The following FRK variants were observed in gnomAD, a reference collection of about 807,000 sequenced individuals.
FRK encodes fyn related Src family tyrosine kinase.
A neutral mutation model predicts 56.4 loss-of-function variants in FRK; 51 were observed. That is an observed-to-expected ratio of 0.90 (90% confidence interval 0.72 to 1.14). FRK has a LOEUF of 1.14. FRK is among the 50% of genes most tolerant of loss of function. FRK has a pLI of 0.00. For synonymous variants in FRK, 245 were observed against 217.9 expected (o/e 1.12, Z -1.10); for missense variants, 570 against 601.4 (o/e 0.95, Z 0.55).
chr6:116,034,873 A>G (rs961989375), intron 1 of FRK, among the ~76,000 whole-genome samples: 1 of 152,082 alleles, frequency 6.6e-6, no homozygotes, highest in African/African-American at 2.4e-5. Context: ...AATTATTTAC[A>G]GATAGAATTA....
chr6:115,944,516 A>G, intron 5 of FRK, 91 bp from the exon 6 acceptor site: 1 of 903,788 alleles, frequency 1.1e-6, no homozygotes, highest in Non-Finnish European at 1.7e-6. Context: ...ATGAGCTATC[A>G]GTGAGATTAA....
chr6:115,967,407 T>C (rs1773622423), intron 4 of FRK, 144 bp downstream of exon 4: 2 of 646,584 alleles, frequency 3.1e-6, no homozygotes, highest in Non-Finnish European at 2.6e-6. Context: ...TATCCATAGG[T>C]TGGGGTCACC....
chr6:115,974,837 G>C (rs1199254837), intron 2 of FRK, among the ~76,000 whole-genome samples: 1 of 152,004 alleles, frequency 6.6e-6, no homozygotes, highest in Non-Finnish European at 1.5e-5. Flanking sequence ...AATCCTCAGA[G>C]CCAGCCTTCT....
chr6:115,994,326 C>G lies in FRK; in HGVS notation c.466+9551G>C, dbSNP rs868756378. The stretch of plus-strand genomic sequence containing the variant: ...TGGGTATCCAGAATCTCACAACCTC[C>G]CCCCCCCCCGCCTTTTTTTTGTCAT... On this transcript the variant is annotated intron_variant, in intron 2 of 7. Coordinates refer to ENST00000606080, the MANE Select transcript of FRK (RefSeq NM_002031.3). Among the ~76,000 whole-genome samples the G allele has an allele frequency of 4.1e-4, 38 of 93,130 alleles. 5 individuals are homozygous for G. In the South Asian group the frequency reaches 4.4e-3, roughly 11 times the overall value. 61.1% of individuals were successfully genotyped at this position (93,130 alleles called of 152,430 possible). A position where few individuals can be genotyped will look rare whatever the true frequency, so the allele number is the denominator to read the frequency against.
intron 5 of FRK, among the ~76,000 whole-genome samples, chr6:115,946,614 T>C (rs1049402105): frequency 2.6e-5 from 4 of 152,104 alleles, no homozygotes; most frequent in East Asian, 1.9e-4. Flanking sequence ...GCAAGAGATA[T>C]AGATTTAACG....
intron 2 of FRK, among the ~76,000 whole-genome samples, chr6:115,978,549 T>C (rs1449990345): frequency 6.6e-6 from 1 of 152,096 alleles, no homozygotes; most frequent in Admixed American, 6.6e-5. Context: ...CCTAATTCCA[T>C]GAAGAAAATA....
At chr6:116,091,544 G>A in the FRK span, among the ~76,000 whole-genome samples, 3 of 152,176 alleles carry the variant, frequency 2.0e-5, no homozygotes, top group East Asian at 1.9e-4. Flanking sequence ...CCCACCGGAA[G>A]GAACCAACTC....
Position 116,000,223 on chromosome 6 carries a change from C to CTTTTTTTTTTTTTTTTTTT in FRK, c.466+3635_466+3653dup, listed in dbSNP as rs561273499. 5.6e-5 allele frequency among the ~76,000 whole-genome samples: 3 copies of CTTTTTTTTTTTTTTTTTTT among 53,120 alleles called. 1 individual carries two copies. Among genetic ancestry groups the CTTTTTTTTTTTTTTTTTTT allele is most frequent in the African/African-American group, 1.8e-4 (2 of 11,092 alleles). 34.8% of individuals were successfully genotyped at this position (53,120 alleles called of 152,430 possible). ...TTTCCTCATGAAAATATCATTCTTT[C>CTTTTTTTTTTTTTTTTTTT]TTTTTTTTTTTTTTTTTTTTTTTTT... On this transcript the variant is annotated intron_variant, in intron 2 of 7. Coordinates refer to ENST00000606080, the MANE Select transcript of FRK (RefSeq NM_002031.3).
chr6:116,076,112 G>A, the FRK span, among the ~76,000 whole-genome samples: 2 of 152,192 alleles, frequency 1.3e-5, no homozygotes, highest in Admixed American at 6.6e-5. Flanking sequence ...GTTTATAAAT[G>A]TCCATTTTCT....
At chr6:116,055,667 T>C (rs1562308622) in intron 1 of FRK, among the ~76,000 whole-genome samples, 2 of 152,044 alleles carry the variant, frequency 1.3e-5, no homozygotes, top group Admixed American at 6.6e-5. Flanking sequence ...AAAGCCAAAT[T>C]ATATATATAT....
chr6:116,002,539 C>A, intron 2 of FRK: 1 of 339,586 alleles, frequency 2.9e-6, no homozygotes, highest in South Asian at 2.2e-5. Flanking sequence ...ATCGCTTAAA[C>A]CCGGGAGGCG....
chr6:116,075,248 GAGTA>G, the FRK span, among the ~76,000 whole-genome samples: 1 of 151,306 alleles, frequency 6.6e-6, no homozygotes, highest in Non-Finnish European at 1.5e-5. Flanking sequence ...ATGTGACTGT[GAGTA>G]AGTATTTCTT....
chr6:116,065,622 CT>C (rs1777747772), upstream of FRK, among the ~76,000 whole-genome samples: 1 of 152,170 alleles, frequency 6.6e-6, no homozygotes, highest in Non-Finnish European at 1.5e-5. Flanking sequence ...ATGTCTCTGT[CT>C]TTATTAATTC....
At chr6:116,039,007 A>T in intron 1 of FRK, 1 of 730,912 alleles carries the variant, frequency 1.4e-6, no homozygotes, top group Non-Finnish European at 2.6e-6. Flanking sequence ...ATGATCAAAG[A>T]CTGCAAAGCC....
At position 115,943,110 on chromosome 6, in the gene FRK, G is replaced by A. The variant is rs1306029667; in HGVS notation, c.1216C>T (p.Arg406Cys). 6 of 1,613,052 alleles carry A rather than the reference G, an allele frequency of 3.7e-6. No individual in the cohort carries two copies. Among genetic ancestry groups the A allele is most frequent in the Non-Finnish European group, 4.2e-6 (5 of 1,179,536 alleles). The change falls in exon 7 of 8, where the codon CGT becomes TGT. Residue 406 changes from arginine (R) to cysteine (C), a missense_variant. Physicochemically the swap from Arg to Cys is radical, Grantham distance 180. Coordinates refer to ENST00000606080, the MANE Select transcript of FRK (RefSeq NM_002031.3). ...PVKWTAPEAI[R>C]SNKFSIKSDV... ...GACTTAATGCTGAATTTATTACTACGAATGGCTTCGGGCGCAGTCCACTTC... is the reference window on the plus strand; with the variant it reads ...GACTTAATGCTGAATTTATTACTACAAATGGCTTCGGGCGCAGTCCACTTC...
intron 2 of FRK, among the ~76,000 whole-genome samples, chr6:115,978,488 G>T (rs112740023): frequency 6.6e-6 from 1 of 152,136 alleles, no homozygotes; most frequent in Non-Finnish European, 1.5e-5. Context: ...AGCCAGATTT[G>T]GCACTGTGCC....
the FRK span, among the ~76,000 whole-genome samples, chr6:116,092,941 C>T: frequency 6.6e-6 from 1 of 152,110 alleles, no homozygotes. Flanking sequence ...TGCACTATTG[C>T]CTGGTCCCAA....
chr6:116,032,267 A>G (rs1776329763), intron 1 of FRK, among the ~76,000 whole-genome samples: 1 of 152,104 alleles, frequency 6.6e-6, no homozygotes, highest in Non-Finnish European at 1.5e-5. Context: ...AACATAATAA[A>G]AGTCAAAAGG....
chr6:115,942,997 C>T, intron 7 of FRK, 23 bp downstream of exon 7: 1 of 1,599,704 alleles, frequency 6.3e-7, no homozygotes, highest in Non-Finnish European at 8.5e-7. Context: ...GCAGAAAGGT[C>T]CACTTCAGAA....
Sources: gnomAD v4.1 joint callset for allele counts (sites outside exome capture counted in the v4.1 genomes callset) on GRCh38, gnomAD v4.1.1 for gene constraint, MANE v1.5 for transcripts, NCBI Gene and HGNC (gene_info 2026-07-23, HGNC 2026-07-21) for gene names.